NLRP6: variants seen among roughly 807,000 people sequenced by gnomAD.
The protein encoded by NLRP6 is NLR family pyrin domain containing 6.
Under a neutral mutation model 70.9 loss-of-function variants are expected in NLRP6, and 55 were observed. The observed-to-expected ratio is 0.78, with a 90% CI of 0.62 to 0.97. The LOEUF is 0.97. Ranked by LOEUF, NLRP6 falls within the 50% of genes least tolerant of loss-of-function variation. The probability of loss-of-function intolerance (pLI) is 0.00; values close to 1 mark genes in which losing one functional copy is unlikely to be tolerated. For missense variants in NLRP6, 1,241 were observed against 1,238.3 expected (o/e 1.00, Z -0.03); for synonymous variants, 652 against 581.9 (o/e 1.12, Z -1.73).
chr11:281,033 C>A lies in NLRP6; in HGVS notation c.1299C>A (p.Ala433=). 1 of 1,613,054 alleles carries A rather than the reference C, an allele frequency of 6.2e-7. No homozygotes were observed. The highest frequency in any genetic ancestry group is 8.5e-7 in the Non-Finnish European group (1 of 1,179,956). ...GCGTTCTGAGCTCGGCTCCGGTAGCCGACGGGCCCCGGTTGCAGGGCGACC... is the reference window on the plus strand; with the variant it reads ...GCGTTCTGAGCTCGGCTCCGGTAGCAGACGGGCCCCGGTTGCAGGGCGACC... ...ITSVLSSAPV[A]DGPRLQGDLR... is the part of the protein sequence containing the mutation. Residue 433 remains alanine, a synonymous_variant, in exon 4 of 8, where the codon GCC becomes GCA. Transcript: ENST00000534750.
intron 7 of NLRP6, 120 bp downstream of exon 7, chr11:284,762 A>C: frequency 1.1e-6 from 1 of 948,730 alleles, no homozygotes; most frequent in Non-Finnish European, 1.6e-6. Flanking sequence ...CTCCCATGTG[A>C]CTGAGCTCAA....
At chr11:282,835 G>A (rs1187022465) in intron 5 of NLRP6, 38 bp downstream of exon 5, 1 of 1,457,212 alleles carries the variant, frequency 6.9e-7, no homozygotes, top group East Asian at 2.3e-5. Context: ...CACGGAGCGG[G>A]CTGAGAGCAG....
Position 284,247 on chromosome 11 carries a change from TCCCTGACGCGGTCTGCC to T in NLRP6, c.2217_2233del (p.Pro740ArgfsTer4). On this transcript the variant is annotated frameshift_variant, in exon 6 of 8. Coordinates refer to ENST00000534750, the MANE Select transcript of NLRP6 (RefSeq NM_001276700.2). LOFTEE classifies it high-confidence loss of function. The stretch of plus-strand genomic sequence containing the variant: ...GACCACAGGCTGTCCCACTGCAAAC[TCCCTGACGCGGTCTGCC>T]GAGACCTTTCTGAGGCCCTGAGGGC... The T allele has an allele frequency of 1.2e-6, 2 of 1,613,222 alleles. No individual in the cohort carries two copies. Among genetic ancestry groups the T allele is most frequent in the Non-Finnish European group, 1.7e-6 (2 of 1,179,976 alleles).
In NLRP6 at chr11:281,247, T is replaced by C; in HGVS notation, c.1513T>C (p.Phe505Leu). The change falls in exon 4 of 8, where the codon TTC becomes CTC. Residue 505 changes from phenylalanine to leucine, a missense_variant. Physicochemically the swap from Phe to Leu is conservative, Grantham distance 22. Transcript: ENST00000534750. ...GTTCATCGACCAGAGCTTCCAGGAG[T>C]TCCTCGCGGCACTGTCCTACCTGCT... is the stretch of plus-strand genomic sequence containing the variant. ...YQFIDQSFQE[F>L]LAALSYLLED... 2 of 1,612,930 alleles carry C rather than the reference T, an allele frequency of 1.2e-6. No individual in the cohort carries two copies.
intron 5 of NLRP6, among the ~76,000 whole-genome samples, chr11:283,200 G>A (rs532129353): frequency 6.9e-4 from 105 of 152,152 alleles, no homozygotes; most frequent in African/African-American, 2.3e-3. Flanking sequence ...CGGCTTCTGC[G>A]TGCCCAGTAG....
intron 4 of NLRP6, 150 bp from the exon 5 acceptor site, chr11:282,555 T>G: frequency 1.5e-6 from 1 of 668,402 alleles, no homozygotes; most frequent in Non-Finnish European, 2.8e-6. Context: ...TGCTCTGGGT[T>G]TGGTTGGGGG....
At chr11:282,075 T>G (rs977883444) in intron 4 of NLRP6, among the ~76,000 whole-genome samples, 3 of 152,190 alleles carry the variant, frequency 2.0e-5, no homozygotes, top group African/African-American at 7.2e-5. Context: ...AACTTCCTAG[T>G]ATGGCCCTAC....
intron 1 of NLRP6, 113 bp from the exon 2 acceptor site, chr11:279,214 G>GC (rs1845429761): frequency 8.7e-6 from 8 of 917,974 alleles, no homozygotes; most frequent in African/African-American, 1.7e-5. Context: ...ACGATGCTTG[G>GC]CCCGGGACTC....
chr11:279,688 G>GCGGTCCC, intron 2 of NLRP6, 81 bp downstream of exon 2: 1 of 1,354,108 alleles, frequency 7.4e-7, no homozygotes, highest in Non-Finnish European at 9.5e-7. Context: ...AAGCCCCGGC[G>GCGGTCCC]CGGTCCCCGG....
chr11:281,464 GGTGGGTGCAGGGACA>G lies in NLRP6; in HGVS notation c.1732_1746del (p.Trp578_Gln582del). 6.3e-7 allele frequency: 1 copy of G among 1,597,960 alleles called. No individual in the cohort carries two copies. The highest frequency in any genetic ancestry group is 1.1e-5 in the South Asian group (1 of 88,870). Reference sequence around the variant, plus strand: ...GAGCGTGTGAAGCAGGAGGCCCTGCGGTGGGTGCAGGGACAGGGACAGGGCTGCCCCGGAGTGGCA... The same window carrying G: ...GAGCGTGTGAAGCAGGAGGCCCTGCGGGGACAGGGCTGCCCCGGAGTGGCA... On this transcript the variant is annotated inframe_deletion, in exon 4 of 8. Coordinates refer to ENST00000534750, the MANE Select transcript of NLRP6 (RefSeq NM_001276700.2).
chr11:279,648 C>T (rs1269826280), intron 2 of NLRP6, 41 bp downstream of exon 2: 2 of 1,375,254 alleles, frequency 1.5e-6, no homozygotes, highest in East Asian at 6.1e-5. Flanking sequence ...TGGGCAGAGG[C>T]TGGGCTGCCC....
Position 284,659 on chromosome 11 carries a change from G to GT in NLRP6, c.2537+17_2537+18insT, listed in dbSNP as rs1203194017. The GT allele has an allele frequency of 2.1e-5, 34 of 1,591,466 alleles. No homozygotes were observed. Among genetic ancestry groups the GT allele is most frequent in the East Asian group, 2.0e-4 (9 of 44,544 alleles). On this transcript the variant is annotated intron_variant, in intron 7 of 7. Coordinates refer to ENST00000534750, the MANE Select transcript of NLRP6 (RefSeq NM_001276700.2). ...GACCCTCAGGTGGAGGCAGGGGTGG[G>GT]AAGGGTGCTGGGGACACAGCCTGTC... is the stretch of plus-strand genomic sequence containing the variant.
At chr11:281,937 C>A in intron 4 of NLRP6, 98 bp downstream of exon 4, 1 of 1,126,774 alleles carries the variant, frequency 8.9e-7, no homozygotes, top group Non-Finnish European at 1.2e-6. Flanking sequence ...GGCGCACCTC[C>A]AGACCAGACC....
In NLRP6 at chr11:281,935, T is replaced by G. The variant is rs571832473; in HGVS notation, c.2105+96T>G. 75 of 1,153,418 alleles carry G rather than the reference T, an allele frequency of 6.5e-5. No individual in the cohort carries two copies. In the South Asian group the frequency reaches 1.1e-3, roughly 17 times the overall value. 71.4% of individuals were successfully genotyped at this position (1,153,418 alleles called of 1,614,324 possible). A position where few individuals can be genotyped will look rare whatever the true frequency, so the allele number is the denominator to read the frequency against. On this transcript the variant is annotated intron_variant, in intron 4 of 7. Transcript: ENST00000534750. ...GTGTCCATCTGGCATGGGGCGCACC[T>G]CCAGACCAGACCCTGGCTCCCCAGA...
rs756427968 is a variant in NLRP6 at position 284,551 on chromosome 11, C to T, written c.2446C>T (p.Leu816=). The part of the protein sequence containing the change: ...MLRQSPALTT[L]DLSGCQLPAP... ...TCGGCAGAGCCCTGCCCTGACCACC[C>T]TGGATCTCAGCGGCTGCCAACTGCC... is the stretch of plus-strand genomic sequence containing the variant. Residue 816 remains leucine (L), a synonymous_variant, in exon 7 of 8, where the codon CTG becomes TTG. Coordinates refer to ENST00000534750, the MANE Select transcript of NLRP6 (RefSeq NM_001276700.2). 5.6e-6 allele frequency: 9 copies of T among 1,612,762 alleles called. No homozygotes were observed. The highest frequency in any genetic ancestry group is 1.3e-5 in the African/African-American group (1 of 74,912).
In NLRP6 at chr11:279,311, G is replaced by T; in HGVS notation, c.30-16G>T. The stretch of plus-strand genomic sequence containing the variant: ...CGAGGGCCGCTCCCCGATGACCCGC[G>T]CCCGCCCGCCTCCAGCACGGGGCCG... On this transcript the variant is annotated splice_polypyrimidine_tract_variant and intron_variant, in intron 1 of 7. Transcript: ENST00000534750. 8.2e-7 allele frequency: 1 copy of T among 1,216,862 alleles called. No homozygotes were observed. The highest frequency in any genetic ancestry group is 1.0e-6 in the Non-Finnish European group (1 of 975,256). The allele number at this position is 1,216,862 out of a possible 1,614,324, so 75.4% of individuals were successfully genotyped here.
In NLRP6 at chr11:280,253, C is replaced by T. The variant is rs754690529; in HGVS notation, c.519C>T (p.Arg173=). ...CCGCGGAAGAGCCTGAGCCGGGGCG[C>T]GCGCGGCGCTCGGACACGCACACTT... The part of the protein sequence containing the change: ...MGPAEEPEPG[R]ARRSDTHTFN... The change falls in exon 4 of 8, where the codon CGC becomes CGT. Residue 173 remains arginine, a synonymous_variant. Transcript: ENST00000534750. 3 of 1,525,882 alleles carry T rather than the reference C, an allele frequency of 2.0e-6. No individual in the cohort carries two copies. The South Asian group carries it at 3.7e-5, about 19-fold the overall frequency. 94.5% of individuals were successfully genotyped at this position (1,525,882 alleles called of 1,614,324 possible). A position where few individuals can be genotyped will look rare whatever the true frequency, so the allele number is the denominator to read the frequency against.
chr11:280,165 C>A lies in NLRP6; in HGVS notation c.431C>A (p.Thr144Asn). ...AGGAACGCCCGCTCCGTGAAGATCA[C>A]CAAGCGCTTCACCAAGCTGCTCATC... is the stretch of plus-strand genomic sequence containing the variant. ...KERNARSVKI[T>N]KRFTKLLIAP... Residue 144 changes from threonine (T) to asparagine (N), a missense_variant, in exon 4 of 8, where the codon ACC (threonine) becomes AAC (asparagine). By Grantham distance (65) the Thr-to-Asn change is moderately conservative (BLOSUM62 0). Transcript: ENST00000534750. The A allele has an allele frequency of 6.4e-7, 1 of 1,550,810 alleles. No individual in the cohort carries two copies. The highest frequency in any genetic ancestry group is 8.7e-7 in the Non-Finnish European group (1 of 1,147,764).
In NLRP6 at chr11:280,713, C is replaced by A. The variant is rs781427917; in HGVS notation, c.979C>A (p.Arg327Ser). Reference protein sequence around the residue: ...LPTALLLVTTRAAAPGRLQGR... With the variant: ...LPTALLLVTTSAAAPGRLQGR... ...CACGGCCCTCCTGCTGGTGACCACG[C>A]GCGCCGCCGCCCCCGGGAGGCTGCA... is the stretch of plus-strand genomic sequence containing the variant. Residue 327 changes from arginine to serine, a missense_variant, in exon 4 of 8, where the codon CGC (arginine) becomes AGC (serine). Coordinates refer to ENST00000534750, the MANE Select transcript of NLRP6 (RefSeq NM_001276700.2). The A allele has an allele frequency of 4.3e-5, 67 of 1,571,502 alleles. No homozygotes were observed. The highest frequency in any genetic ancestry group is 5.6e-5 in the Non-Finnish European group (65 of 1,160,542).
Sources: gnomAD v4.1 joint callset for allele counts (sites outside exome capture counted in the v4.1 genomes callset) on GRCh38, gnomAD v4.1.1 for gene constraint, MANE v1.5 for transcripts, NCBI Gene and HGNC (gene_info 2026-07-23, HGNC 2026-07-21) for gene names.